The following NBEAL2 variants were observed in gnomAD, a reference collection of about 807,000 sequenced individuals.
NBEAL2 encodes the protein neurobeachin like 2.
In NBEAL2, 160 loss-of-function variants were observed where a neutral mutation model predicts 299.8. The ratio of observed to expected loss-of-function variants is 0.53; its 90% confidence interval spans 0.47 to 0.61. The LOEUF (loss-of-function observed/expected upper bound fraction) is 0.61. Among genes scored for constraint, NBEAL2 ranks in the 20% least tolerant of loss-of-function variants. The pLI is 0.00. For missense variants in NBEAL2, 3,112 were observed against 3,649.0 expected, an observed-to-expected ratio of 0.85 and a Z score of 3.79; for synonymous variants, 1,493 against 1,542.3, an observed-to-expected ratio of 0.97 and a Z score of 0.75.
chr3:46,989,461 G>A lies in NBEAL2; in HGVS notation c.474-50G>A. ...GCGCTGGGCCCAAGGAGGGGTGACGGCCAGGAGTGGTGAGAGCCGGGCTGA... is the reference window on the plus strand; with the variant it reads ...GCGCTGGGCCCAAGGAGGGGTGACGACCAGGAGTGGTGAGAGCCGGGCTGA... On this transcript the variant is annotated intron_variant, in intron 5 of 53. Transcript: ENST00000450053. This position sits in a 1 kb window ranked among gnomAD's most constrained non-coding sequence, Gnocchi z 5.5. The A allele has an allele frequency of 6.4e-7, 1 of 1,566,200 alleles. No individual in the cohort carries two copies. Among genetic ancestry groups the A allele is most frequent in the Non-Finnish European group, 8.7e-7 (1 of 1,155,596 alleles).
In NBEAL2 at chr3:46,995,421, C is replaced by T. The variant is rs928231294; in HGVS notation, c.1686C>T (p.Ile562=). The change falls in exon 13 of 54, where the codon ATC becomes ATT. Residue 562 remains isoleucine, a synonymous_variant. Coordinates refer to ENST00000450053, the MANE Select transcript of NBEAL2 (RefSeq NM_015175.3). ...AGKARHAGAV[I]RTLSGMARHQ... is the part of the protein sequence containing the mutation. ...AGGCCCGACACGCAGGTGCTGTCAT[C>T]CGCACATTATCAGGCATGGCCAGGC... 8 of 1,612,694 alleles carry T rather than the reference C, an allele frequency of 5.0e-6. No individual in the cohort carries two copies. In the Admixed American group the frequency reaches 6.7e-5, roughly 13 times the overall value.
chr3:46,986,295 G>T (rs1275105709), intron 1 of NBEAL2, among the ~76,000 whole-genome samples: 2 of 152,140 alleles, frequency 1.3e-5, no homozygotes, highest in East Asian at 3.9e-4. Context: ...GAGATTGAGG[G>T]ACCCACCCCT....
rs555794670 is a variant in NBEAL2 at position 47,008,775 on chromosome 3, C to T, written c.8027+107C>T. 2.7e-4 allele frequency: 416 copies of T among 1,528,604 alleles called. No homozygotes were observed. The African/African-American group carries it at 4.8e-3, about 17-fold the overall frequency. 94.7% of individuals were successfully genotyped at this position (1,528,604 alleles called of 1,614,324 possible). Reference sequence around the variant, plus strand: ...CATACATGTTTGTGGGCACATATTTCAAGGTTTGTTACCTGTCCCTTCATC... The same window carrying T: ...CATACATGTTTGTGGGCACATATTTTAAGGTTTGTTACCTGTCCCTTCATC... On this transcript the variant is annotated intron_variant, in intron 52 of 53. Coordinates refer to ENST00000450053, the MANE Select transcript of NBEAL2 (RefSeq NM_015175.3).
chr3:47,007,035 G>T, intron 45 of NBEAL2, 31 bp from the exon 46 acceptor site: 1 of 1,558,424 alleles, frequency 6.4e-7, no homozygotes, highest in Non-Finnish European at 8.8e-7. Context: ...ATAGTACTCA[G>T]GCATAGCTAG....
chr3:46,994,702 C>G (rs1424120188), intron 12 of NBEAL2, 149 bp downstream of exon 12: 10 of 755,276 alleles, frequency 1.3e-5, no homozygotes, highest in Non-Finnish European at 2.1e-5. Context: ...CTGTTAGTGT[C>G]ACTGGAATGA....
chr3:47,001,221 T>C lies in NBEAL2; in HGVS notation c.4484+42T>C, dbSNP rs1317919345. On this transcript the variant is annotated intron_variant, in intron 28 of 53. Coordinates refer to ENST00000450053, the MANE Select transcript of NBEAL2 (RefSeq NM_015175.3). The surrounding 1 kb of genome is among the most constrained non-coding windows in gnomAD (Gnocchi z 6.1). The stretch of plus-strand genomic sequence containing the variant: ...GGAGGGGGAGGGGCTTCAGGAAGCC[T>C]CGGGGGAAGGAGAGAAGATAGTCAG... The C allele has an allele frequency of 1.6e-5, 26 of 1,600,818 alleles. No homozygotes were observed. Among genetic ancestry groups the C allele is most frequent in the Non-Finnish European group, 2.1e-5 (25 of 1,171,010 alleles).
Position 46,991,302 on chromosome 3 carries a change from A to G in NBEAL2, c.640A>G (p.Lys214Glu). ...CTTCTGCGCCGTCCTCGCTGGAGGA[A>G]AGGTAGGCTGGGAGGTGAGCCTGTG... is the stretch of plus-strand genomic sequence containing the variant. ...HLFCAVLAGGKENGQMAVSDG... is the reference protein window; with the variant it reads ...HLFCAVLAGGEENGQMAVSDG... Residue 214 changes from lysine (K) to glutamate (E), a missense_variant and splice_region_variant, in exon 7 of 54, where the codon AAG becomes GAG. Lys to Glu is a moderately conservative substitution (Grantham distance 56, BLOSUM62 1). This residue lies in a region of NBEAL2 where 2,243 missense variants were observed against 2,538.1 expected (regional missense o/e 0.88). Coordinates refer to ENST00000450053, the MANE Select transcript of NBEAL2 (RefSeq NM_015175.3). The surrounding 1 kb of genome is among the most constrained non-coding windows in gnomAD (Gnocchi z 6.2). 1 of 1,600,978 alleles carries G rather than the reference A, an allele frequency of 6.2e-7. No homozygotes were observed. Among genetic ancestry groups the G allele is most frequent in the Non-Finnish European group, 8.5e-7 (1 of 1,173,480 alleles).
intron 47 of NBEAL2, 75 bp from the exon 48 acceptor site, chr3:47,007,450 C>A: frequency 6.4e-7 from 1 of 1,560,316 alleles, no homozygotes; most frequent in East Asian, 2.4e-5. Flanking sequence ...GGGGAAAGGT[C>A]TGGCCAGGCT....
In NBEAL2 at chr3:46,982,915, C is replaced by G. The variant is rs2107250586; in HGVS notation, c.51+3003C>G. 6.6e-6 allele frequency among the ~76,000 whole-genome samples: 1 copy of G among 152,224 alleles called. No individual in the cohort carries two copies. Among genetic ancestry groups the G allele is most frequent in the South Asian group, 2.1e-4 (1 of 4,826 alleles). ...GAGAGTCTTGGGGGACTGGGGACAG[C>G]ACCTGACAGGCTGGCGGTTGGGCAG... is the stretch of plus-strand genomic sequence containing the variant. On this transcript the variant is annotated intron_variant, in intron 1 of 53. Coordinates refer to ENST00000450053, the MANE Select transcript of NBEAL2 (RefSeq NM_015175.3). This position sits in a 1 kb window ranked among gnomAD's most constrained non-coding sequence, Gnocchi z 4.2.
At chr3:46,999,515 A>G in intron 25 of NBEAL2, 41 bp downstream of exon 25, 1 of 1,583,542 alleles carries the variant, frequency 6.3e-7, no homozygotes, top group Non-Finnish European at 8.6e-7. Flanking sequence ...GTGACATGTC[A>G]GAAAAACAGG....
chr3:46,997,142 G>A, intron 18 of NBEAL2, 96 bp downstream of exon 18: 2 of 1,554,128 alleles, frequency 1.3e-6, no homozygotes, highest in East Asian at 2.3e-5. Context: ...TGCCTGGGGA[G>A]GATTTGGACA....
At chr3:46,999,557 A>G in intron 25 of NBEAL2, 73 bp from the exon 26 acceptor site, 5 of 1,592,302 alleles carry the variant, frequency 3.1e-6, no homozygotes, top group Non-Finnish European at 4.3e-6. Flanking sequence ...AGATAGTGGC[A>G]TAGGGGCCAG....
chr3:46,996,838 T>C lies in NBEAL2; in HGVS notation c.2556+5T>C. On this transcript the variant is annotated splice_donor_5th_base_variant and intron_variant, in intron 17 of 53. Coordinates refer to ENST00000450053, the MANE Select transcript of NBEAL2 (RefSeq NM_015175.3). ...CTCCTCCATTACTCACCTCAGGTAT[T>C]TGGGGGCCCCAGGGGAGTGGTTGGC... 6.2e-7 allele frequency: 1 copy of C among 1,612,460 alleles called. No homozygotes were observed. Among genetic ancestry groups the C allele is most frequent in the Non-Finnish European group, 8.5e-7 (1 of 1,179,702 alleles).
At position 47,009,062 on chromosome 3, in the gene NBEAL2, C is replaced by G; in HGVS notation, c.8101C>G (p.His2701Asp). ...CGTGGCCGTGACCAAGGAGCGCAGC[C>G]ACGTGCTGGTGGGCCTGGAGGATGG... is the stretch of plus-strand genomic sequence containing the variant. ...RSVAVTKERS[H>D]VLVGLEDGKL... is the part of the protein sequence containing the mutation. The change falls in exon 53 of 54, where the codon CAC becomes GAC. Residue 2701 changes from histidine to aspartate, a missense_variant. Physicochemically the swap from His to Asp is moderately conservative, Grantham distance 81. Transcript: ENST00000450053. The G allele has an allele frequency of 6.2e-7, 1 of 1,602,328 alleles. No individual in the cohort carries two copies. The highest frequency in any genetic ancestry group is 8.5e-7 in the Non-Finnish European group (1 of 1,179,716).
In NBEAL2 at chr3:46,991,276, T is replaced by A; in HGVS notation, c.614T>A (p.Leu205His). 6.2e-7 allele frequency: 1 copy of A among 1,606,726 alleles called. No individual in the cohort carries two copies. The highest frequency in any genetic ancestry group is 1.7e-5 in the Admixed American group (1 of 59,100). ...ATACTGCTGTTACGTCTCATCCACCTCTTCTGCGCCGTCCTCGCTGGAGGA... is the reference window on the plus strand; with the variant it reads ...ATACTGCTGTTACGTCTCATCCACCACTTCTGCGCCGTCCTCGCTGGAGGA... ...PPILLLRLIH[L>H]FCAVLAGGKE... Residue 205 changes from leucine to histidine, a missense_variant, in exon 7 of 54, where the codon CTC (leucine) becomes CAC (histidine). Physicochemically the swap from Leu to His is moderately conservative, Grantham distance 99. Around this residue, in one of 3 missense-constraint regions of NBEAL2, gnomAD observed 2,243 missense variants for 2,538.1 expected, o/e 0.88. Transcript: ENST00000450053. This position sits in a 1 kb window ranked among gnomAD's most constrained non-coding sequence, Gnocchi z 6.2.
Position 47,003,040 on chromosome 3 carries a change from T to G in NBEAL2, c.5543T>G (p.Phe1848Cys), listed in dbSNP as rs1437102615. The part of the protein sequence containing the change: ...MRLKLVPNHH[F>C]DPHLEASALR... ...CTGAAGCTGGTGCCCAACCATCACT[T>G]CGACCCTCACCTGGAAGCCAGCGCT... is the stretch of plus-strand genomic sequence containing the variant. Residue 1848 changes from phenylalanine to cysteine, a missense_variant, in exon 34 of 54, where the codon TTC becomes TGC. Coordinates refer to ENST00000450053, the MANE Select transcript of NBEAL2 (RefSeq NM_015175.3). The surrounding 1 kb of genome is among the most constrained non-coding windows in gnomAD (Gnocchi z 7.0). 1 of 1,613,030 alleles carries G rather than the reference T, an allele frequency of 6.2e-7. No individual in the cohort carries two copies. Among genetic ancestry groups the G allele is most frequent in the Non-Finnish European group, 8.5e-7 (1 of 1,179,586 alleles).
Position 47,009,577 on chromosome 3 carries a change from C to T in NBEAL2, c.*257C>T, listed in dbSNP as rs2037751754. ...GCCGCAGCAGCACTTTTTGCACAGTCTGGGGCGGGGTTCCCCGGCTTCCAA... is the reference window on the plus strand; with the variant it reads ...GCCGCAGCAGCACTTTTTGCACAGTTTGGGGCGGGGTTCCCCGGCTTCCAA... On this transcript the variant is annotated 3_prime_UTR_variant, in exon 54 of 54. Coordinates refer to ENST00000450053, the MANE Select transcript of NBEAL2 (RefSeq NM_015175.3). 8.1e-6 allele frequency: 4 copies of T among 495,618 alleles called. No individual in the cohort carries two copies. 30.7% of individuals were successfully genotyped at this position (495,618 alleles called of 1,614,324 possible).
chr3:47,004,545 C>T lies in NBEAL2; in HGVS notation c.6249C>T (p.Asn2083=), dbSNP rs1185021768. 1.2e-6 allele frequency: 2 copies of T among 1,613,702 alleles called. No homozygotes were observed. Among genetic ancestry groups the T allele is most frequent in the East Asian group, 2.2e-5 (1 of 44,896 alleles). The change falls in exon 38 of 54, where the codon AAC becomes AAT. Residue 2083 remains asparagine (N), a synonymous_variant. Coordinates refer to ENST00000450053, the MANE Select transcript of NBEAL2 (RefSeq NM_015175.3). This position sits in a 1 kb window ranked among gnomAD's most constrained non-coding sequence, Gnocchi z 5.0. ...ACTTCGAGTACTTGATGCAACTCAA[C>T]ACCATTGCGGGGCGGACCTACAATG... ...ISNFEYLMQL[N]TIAGRTYNDL...
Position 46,999,132 on chromosome 3 carries a change from C to A in NBEAL2, c.3543+15C>A. ...GAGTCTGCAAGGTACACCCAGCCCACCCCCTCCCCTGGCATCCCATTCACT... is the reference window on the plus strand; with the variant it reads ...GAGTCTGCAAGGTACACCCAGCCCAACCCCTCCCCTGGCATCCCATTCACT... On this transcript the variant is annotated intron_variant, in intron 24 of 53. Coordinates refer to ENST00000450053, the MANE Select transcript of NBEAL2 (RefSeq NM_015175.3). 6.4e-7 allele frequency: 1 copy of A among 1,558,442 alleles called. No individual in the cohort carries two copies. The highest frequency in any genetic ancestry group is 8.7e-7 in the Non-Finnish European group (1 of 1,148,668).
Sources: allele counts gnomAD v4.1 joint callset (sites outside exome capture counted in the v4.1 genomes callset), GRCh38; gene constraint gnomAD v4.1.1; regional missense constraint gnomAD v4.1.1; non-coding constraint Gnocchi (gnomAD v3.1); transcripts MANE v1.5; gene names NCBI Gene and HGNC (gene_info 2026-07-23, HGNC 2026-07-21).